The following PSG11 variants were observed in gnomAD, a reference collection of about 807,000 sequenced individuals.
The protein encoded by PSG11 is pregnancy specific beta-1-glycoprotein 11, also known as pregnancy-specific beta-1-glycoprotein 11.
A neutral mutation model predicts 36.0 loss-of-function variants in PSG11; 42 were observed. The ratio of observed to expected loss-of-function variants is 1.17; its 90% CI spans 0.91 to 1.51. The LOEUF (loss-of-function observed/expected upper bound fraction) is 1.51, where lower values mean the gene tolerates loss of function less well. PSG11 is among the 40% of genes most tolerant of loss of function. The probability of loss-of-function intolerance (pLI) is 0.00; values close to 1 mark genes in which losing one functional copy is unlikely to be tolerated. For missense variants in PSG11, 558 were observed against 403.5 expected (o/e 1.38, Z -3.28); for synonymous variants, 206 against 153.5 (o/e 1.34, Z -2.53).
At chr19:43,022,105 G>A (rs1317380918) in intron 2 of PSG11, among the ~76,000 whole-genome samples, 1 of 151,470 alleles carries the variant, frequency 6.6e-6, no homozygotes, top group Non-Finnish European at 1.5e-5. Flanking sequence ...TGTCAAACTA[G>A]TGAAAGACCA....
Position 43,016,016 on chromosome 19 carries a change from T to C in PSG11, c.710-646A>G, listed in dbSNP as rs781080037. On this transcript the variant is annotated intron_variant, in intron 3 of 5. Coordinates refer to ENST00000320078, the MANE Select transcript of PSG11 (RefSeq NM_002785.3). ...TTATTCTCCCTGGGGTTTAAGTTGT[T>C]GATGGTGATGTAGGGCATGGGCAGC... 199 of 1,610,014 alleles carry C rather than the reference T, an allele frequency of 1.2e-4. 8 individuals carry two copies. Among genetic ancestry groups the C allele is most frequent in the Non-Finnish European group, 1.6e-4 (189 of 1,178,824 alleles).
chr19:43,010,836 T>A (rs1974057921), intron 4 of PSG11: 2 of 150,344 alleles, frequency 1.3e-5, no homozygotes, highest in Non-Finnish European at 3.0e-5. Context: ...TATCTTTCTC[T>A]CCCACAAGTA....
At chr19:43,023,598 G>A (rs1445591651) in intron 2 of PSG11, among the ~76,000 whole-genome samples, 9 of 151,216 alleles carry the variant, frequency 6.0e-5, no homozygotes, top group Admixed American at 3.3e-4. Flanking sequence ...AGGTTTGGAT[G>A]CCTAAGAAGA....
At chr19:43,014,766 A>T in intron 4 of PSG11, 2 of 1,228,730 alleles carry the variant, frequency 1.6e-6, no homozygotes, top group Non-Finnish European at 1.1e-6. Context: ...GTACAAGAAA[A>T]CAAAGACGTG....
At chr19:43,016,659 T>TGG (rs1216714937) in intron 3 of PSG11, among the ~76,000 whole-genome samples, 1 of 151,452 alleles carries the variant, frequency 6.6e-6, no homozygotes, top group Non-Finnish European at 1.5e-5. Flanking sequence ...AGGTGTTTCA[T>TGG]GATGACTTAC....
rs112359091 is a variant in PSG11 at position 43,024,983 on chromosome 19, G to C, written c.138C>G (p.Ser46=). 2.4e-5 allele frequency: 39 copies of C among 1,611,062 alleles called. No homozygotes were observed. Among genetic ancestry groups the C allele is most frequent in the South Asian group, 1.4e-4 (13 of 90,820 alleles). ...CAAGTAGAAGAACATCCTTCCCCTC[G>C]GACACTTTGGGTGGCTGGGCTTCAA... ...VMIEAQPPKV[S]EGKDVLLLVH... The change falls in exon 2 of 6, where the codon TCC becomes TCG. Residue 46 remains serine, a synonymous_variant. Transcript: ENST00000320078.
At chr19:43,023,555 C>G (rs374342436) in intron 2 of PSG11, among the ~76,000 whole-genome samples, 1 of 151,164 alleles carries the variant, frequency 6.6e-6, no homozygotes, top group African/African-American at 2.4e-5. Context: ...GGAGTATAGA[C>G]TAATCAGCTG....
chr19:43,017,143 G>A (rs1966987001), intron 3 of PSG11: 1 of 151,378 alleles, frequency 6.6e-6, no homozygotes, highest in Non-Finnish European at 1.5e-5. Context: ...CGTTATACAA[G>A]TTGGGGAGTT....
chr19:43,016,323 T>G (rs893661065), intron 3 of PSG11, among the ~76,000 whole-genome samples: 5 of 151,398 alleles, frequency 3.3e-5, no homozygotes, highest in African/African-American at 1.2e-4. Flanking sequence ...TCACAGCCCC[T>G]GGTACCCCTC....
intron 2 of PSG11, 84 bp downstream of exon 2, chr19:43,024,607 A>G (rs571545974): frequency 5.0e-6 from 8 of 1,601,786 alleles, no homozygotes; most frequent in South Asian, 1.1e-5. Flanking sequence ...GACACAGGCA[A>G]TGTCCAGGCC....
chr19:43,022,172 A>G (rs1476313108), intron 2 of PSG11, among the ~76,000 whole-genome samples: 3 of 151,636 alleles, frequency 2.0e-5, no homozygotes, highest in African/African-American at 7.3e-5. Flanking sequence ...CACAGTTTCT[A>G]TAATCCCTGA....
At chr19:43,019,615 G>A (rs1003728155) in intron 2 of PSG11, 5 of 157,832 alleles carry the variant, frequency 3.2e-5, no homozygotes, top group Admixed American at 1.8e-4. Context: ...CAGTCATCAG[G>A]CAGTGCAGCC....
chr19:43,025,854 T>G (rs1233248578), intron 1 of PSG11, among the ~76,000 whole-genome samples: 1 of 149,942 alleles, frequency 6.7e-6, no homozygotes, highest in Non-Finnish European at 1.5e-5. Flanking sequence ...ACTTTCCTGT[T>G]TTGACCCCTG....
chr19:43,016,887 G>T (rs576950491), intron 3 of PSG11, among the ~76,000 whole-genome samples: 9 of 151,628 alleles, frequency 5.9e-5, no homozygotes, highest in African/African-American at 1.7e-4. Flanking sequence ...TGGTGGAAAG[G>T]GTGGGAATGA....
At chr19:43,018,642 A>G in intron 3 of PSG11, 128 bp downstream of exon 3, 1 of 1,590,636 alleles carries the variant, frequency 6.3e-7, no homozygotes. Context: ...GCAGAAAGTC[A>G]TGGCCAGCTT....
chr19:43,023,495 G>T (rs539127035), intron 2 of PSG11, among the ~76,000 whole-genome samples: 1 of 151,068 alleles, frequency 6.6e-6, no homozygotes, highest in African/African-American at 2.4e-5. Flanking sequence ...GGGAGGCCTG[G>T]ACATTTTTTT....
rs145077552 is a variant in PSG11, at chr19:43,026,322, C to T, written c.51G>A (p.Gly17=). The change falls in exon 1 of 6, where the codon GGG becomes GGA. Residue 17 remains glycine (G), a synonymous_variant. Coordinates refer to ENST00000320078, the MANE Select transcript of PSG11 (RefSeq NM_002785.3). ...TTCTCTCCTCACCTGTGAGCAGGAG[C>T]CCCTTCCATTTGATGTGCTCTGTGC... is the stretch of plus-strand genomic sequence containing the variant. ...PPCTEHIKWK[G]LLLTALLLNF... is the part of the protein sequence containing the mutation. 1.1e-4 allele frequency: 177 copies of T among 1,611,070 alleles called. 7 individuals are homozygous for T. The African/African-American group carries it at 1.9e-3, about 17-fold the overall frequency.
intron 2 of PSG11, 47 bp downstream of exon 2, chr19:43,024,644 A>G (rs1017947729): frequency 1.2e-6 from 2 of 1,609,524 alleles, no homozygotes; most frequent in East Asian, 4.5e-5. Context: ...GTGATGTAGA[A>G]GTGACCCCTG....
intron 2 of PSG11, among the ~76,000 whole-genome samples, chr19:43,024,277 C>A (rs182224905): frequency 2.6e-5 from 4 of 151,282 alleles, no homozygotes; most frequent in African/African-American, 4.9e-5. Context: ...TTATCTGGAA[C>A]AAGGATTTAG....
Sources: gnomAD v4.1 joint callset for allele counts (sites outside exome capture counted in the v4.1 genomes callset) on GRCh38, gnomAD v4.1.1 for gene constraint, MANE v1.5 for transcripts, NCBI Gene and HGNC (gene_info 2026-07-23, HGNC 2026-07-21) for gene names.